BID: variants seen among roughly 807,000 people sequenced by gnomAD.
BID encodes the protein BH3-interacting domain death agonist.
Under a neutral mutation model 17.4 loss-of-function variants are expected in BID, and 19 were observed. The observed-to-expected ratio is 1.09, with a 90% CI of 0.76 to 1.60. The LOEUF is 1.60. BID is among the 40% of genes most tolerant of loss of function. BID has a pLI of 0.00. For missense variants in BID, 226 were observed against 256.0 expected (o/e 0.88, Z 0.80); for synonymous variants, 108 against 102.8 (o/e 1.05, Z -0.31).
chr22:17,738,331 A>G (rs1403325979), intron 4 of BID, 102 bp from the exon 5 acceptor site: 1 of 1,097,196 alleles, frequency 9.1e-7, no homozygotes, highest in African/African-American at 1.6e-5. Context: ...CTTATTAAGT[A>G]TCCAGGGCTG....
chr22:17,774,536 GC>G, upstream of BID: 1 of 157,924 alleles, frequency 6.3e-6, no homozygotes, highest in Non-Finnish European at 1.3e-5. Context: ...GCCCCGGCCC[GC>G]CCCCGGCGGC....
intron 2 of BID, among the ~76,000 whole-genome samples, chr22:17,747,217 C>T (rs1233597475): frequency 1.3e-5 from 2 of 152,156 alleles, no homozygotes; most frequent in African/African-American, 2.4e-5. Context: ...CAGGCTGGGC[C>T]GGCCCTGCAG....
intron 1 of BID, among the ~76,000 whole-genome samples, chr22:17,765,336 T>G (rs2061670577): frequency 6.6e-6 from 1 of 152,160 alleles, no homozygotes; most frequent in Non-Finnish European, 1.5e-5. Context: ...GCCAAGGTCA[T>G]GACTGCAGGC....
intron 1 of BID, among the ~76,000 whole-genome samples, chr22:17,765,089 T>C (rs1461685040): frequency 6.6e-6 from 1 of 152,272 alleles, no homozygotes; most frequent in East Asian, 1.9e-4. Flanking sequence ...CAGTAAGTAG[T>C]TCCAGTCTTG....
intron 1 of BID, among the ~76,000 whole-genome samples, chr22:17,752,964 C>CCCCGAATGGGACA (rs2061551568): frequency 2.3e-5 from 2 of 85,180 alleles, no homozygotes; most frequent in Non-Finnish European, 4.3e-5. Context: ...CGCGCCCAGT[C>CCCCGAATGGGACA]TTTTTTTTTT....
intron 2 of BID, among the ~76,000 whole-genome samples, chr22:17,746,421 T>C (rs5747339): frequency 0.54 from 82,259 of 152,046 alleles, 22,854 homozygotes; most frequent in East Asian, 0.75. Flanking sequence ...GAGGAAAAAC[T>C]GTATGCAAAA....
chr22:17,743,792 C>T lies in BID; in HGVS notation c.223+11G>A, dbSNP rs543334573. 19 of 1,603,502 alleles carry T rather than the reference C, an allele frequency of 1.2e-5. No homozygotes were observed. The highest frequency in any genetic ancestry group is 1.0e-4 in the South Asian group (9 of 90,284). On this transcript the variant is annotated intron_variant, in intron 3 of 5. Transcript: ENST00000622694. Reference sequence around the variant, plus strand: ...CCAGCTTTGGGGAAGGAGGTGGGGCCGGCCGCCTACCTGCCTCTATTCTTC... The same window carrying T: ...CCAGCTTTGGGGAAGGAGGTGGGGCTGGCCGCCTACCTGCCTCTATTCTTC...
chr22:17,740,434 T>TA, intron 3 of BID: 2 of 59,782 alleles, frequency 3.3e-5, no homozygotes, highest in Non-Finnish European at 6.1e-5. Context: ...ACAAGAAACT[T>TA]TTTTTTTTTT....
chr22:17,739,734 C>T (rs892930767), intron 3 of BID: 12 of 589,210 alleles, frequency 2.0e-5, no homozygotes, highest in African/African-American at 1.1e-4. Flanking sequence ...ACAGGCACCA[C>T]GTCCCCACAG....
chr22:17,750,122 G>A lies in BID; in HGVS notation c.-6C>T. 6.2e-7 allele frequency: 1 copy of A among 1,613,284 alleles called. No individual in the cohort carries two copies. The highest frequency in any genetic ancestry group is 8.5e-7 in the Non-Finnish European group (1 of 1,179,902). ...CCTCTGACCTCACAGTCCATGGCCT[G>A]GGCAGCGCGGCAGCTCCGACTCACT... On this transcript the variant is annotated 5_prime_UTR_variant, in exon 2 of 6. Coordinates refer to ENST00000622694, the MANE Select transcript of BID (RefSeq NM_001196.4).
intron 1 of BID, among the ~76,000 whole-genome samples, chr22:17,755,039 G>A (rs1443016993): frequency 1.3e-5 from 2 of 151,504 alleles, no homozygotes; most frequent in African/African-American, 4.9e-5. Flanking sequence ...TGGGATTACA[G>A]GCGTGAGCCA....
chr22:17,760,157 C>T (rs1334386355), intron 1 of BID, among the ~76,000 whole-genome samples: 2 of 121,708 alleles, frequency 1.6e-5, no homozygotes, highest in Non-Finnish European at 3.5e-5. Flanking sequence ...AAAAAAGTTT[C>T]ATATCTGGCC....
At position 17,740,028 on chromosome 22, in the gene BID, C is replaced by T. The variant is rs1284758805; in HGVS notation, c.224-540G>A. ...TTCCAACCAGAGCTCTCCCCCTTGC[C>T]CCTCAGTCCTCCTCCTCTGGCGCAC... is the stretch of plus-strand genomic sequence containing the variant. On this transcript the variant is annotated intron_variant, in intron 3 of 5. Coordinates refer to ENST00000622694, the MANE Select transcript of BID (RefSeq NM_001196.4). 1.3e-5 allele frequency: 21 copies of T among 1,560,910 alleles called. No homozygotes were observed. The Admixed American group carries it at 2.7e-4, about 20-fold the overall frequency.
At chr22:17,737,583 T>C (rs879611994) in intron 5 of BID, among the ~76,000 whole-genome samples, 1 of 152,086 alleles carries the variant, frequency 6.6e-6, no homozygotes, top group Non-Finnish European at 1.5e-5. Flanking sequence ...TGACCTCAGG[T>C]GATCCACCTG....
chr22:17,739,992 C>T (rs2061447509), intron 3 of BID: 3 of 1,371,200 alleles, frequency 2.2e-6, no homozygotes, highest in Non-Finnish European at 3.0e-6. Context: ...CCTGGAGAAT[C>T]TCCCCTGCCT....
chr22:17,736,809 A>ATT (rs537354233), intron 5 of BID, among the ~76,000 whole-genome samples: 3 of 142,466 alleles, frequency 2.1e-5, no homozygotes, highest in African/African-American at 5.2e-5. Flanking sequence ...TGCTCAGCTA[A>ATT]TTTTTTTTTT....
At chr22:17,760,133 CAAAAAAAAAA>C (rs34899110) in intron 1 of BID, among the ~76,000 whole-genome samples, 1 of 65,202 alleles carries the variant, frequency 1.5e-5, no homozygotes, top group African/African-American at 6.2e-5. Context: ...GACTCCATCT[CAAAAAAAAAA>C]AAAAAAAAAG....
intron 2 of BID, among the ~76,000 whole-genome samples, chr22:17,748,223 A>G (rs2061508876): frequency 7.5e-6 from 1 of 132,640 alleles, no homozygotes; most frequent in Admixed American, 7.6e-5. Flanking sequence ...AAATAATAAT[A>G]ATAAGGCCGG....
At chr22:17,737,995 A>G in intron 5 of BID, 22 bp downstream of exon 5, 1 of 1,612,152 alleles carries the variant, frequency 6.2e-7, no homozygotes, top group Non-Finnish European at 8.5e-7. Context: ...GCAGGGAAGG[A>G]GCTGACCTCA....
Sources: allele counts gnomAD v4.1 joint callset (sites outside exome capture counted in the v4.1 genomes callset), GRCh38; gene constraint gnomAD v4.1.1; transcripts MANE v1.5; gene names NCBI Gene and HGNC (gene_info 2026-07-23, HGNC 2026-07-21).